The following GIMAP4 variants were observed in gnomAD, a reference collection of about 807,000 sequenced individuals.
GIMAP4 encodes the protein GTPase IMAP family member 4.
Under a neutral mutation model 10.8 loss-of-function variants are expected in GIMAP4, and 12 were observed. The ratio of observed to expected loss-of-function variants is 1.11; its 90% confidence interval spans 0.71 to 1.81. GIMAP4 has a LOEUF of 1.81. GIMAP4 is among the 40% of genes most tolerant of loss of function. GIMAP4 has a pLI of 0.00. For missense variants in GIMAP4, 412 were observed against 404.6 expected (o/e 1.02, Z -0.16); for synonymous variants, 149 against 147.2 (o/e 1.01, Z -0.09).
intron 2 of GIMAP4, among the ~76,000 whole-genome samples, chr7:150,570,614 G>C (rs1283705494): frequency 6.6e-6 from 1 of 152,174 alleles, no homozygotes; most frequent in African/African-American, 2.4e-5. Flanking sequence ...GGACCAGCTT[G>C]GCTCATCTCA....
intron 2 of GIMAP4, among the ~76,000 whole-genome samples, chr7:150,570,409 ATAAC>A (rs917944448): frequency 2.0e-5 from 3 of 152,170 alleles, no homozygotes; most frequent in Admixed American, 2.0e-4. Context: ...TGGTCTCACT[ATAAC>A]CAACAAATTA....
At chr7:150,571,815 T>C (rs1361142811) in intron 2 of GIMAP4, among the ~76,000 whole-genome samples, 1 of 152,160 alleles carries the variant, frequency 6.6e-6, no homozygotes, top group East Asian at 1.9e-4. Context: ...ACAGCTATTA[T>C]TGGCAGCTCA....
In GIMAP4 at chr7:150,569,898, G is replaced by A. The variant is rs774781126; in HGVS notation, c.-4G>A. ...TTTCTTGATCTACAGGAGTTCAAGC[G>A]ACAATGGCAGCCCAATACGGCAGTA... On this transcript the variant is annotated 5_prime_UTR_variant, in exon 2 of 3. Transcript: ENST00000255945. The A allele has an allele frequency of 5.2e-6, 8 of 1,530,556 alleles. No homozygotes were observed. Among genetic ancestry groups the A allele is most frequent in the South Asian group, 1.1e-5 (1 of 89,340 alleles). The allele number at this position is 1,530,556 out of a possible 1,614,324, so 94.8% of individuals were successfully genotyped here.
At position 150,572,812 on chromosome 7, in the gene GIMAP4, C is replaced by G. The variant is rs564252101; in HGVS notation, c.742C>G (p.Leu248Val). ...QAMQELHRVE[L>V]EREKARIREE... ...AATGCAAGAACTCCACAGAGTGGAG[C>G]TGGAGAGAGAGAAAGCGCGGATAAG... The change falls in exon 3 of 3, where the codon CTG (leucine) becomes GTG (valine). Residue 248 changes from leucine to valine, a missense_variant. Transcript: ENST00000255945. 2.5e-6 allele frequency: 4 copies of G among 1,613,786 alleles called. No homozygotes were observed. Among genetic ancestry groups the G allele is most frequent in the East Asian group, 4.5e-5 (2 of 44,834 alleles).
intron 2 of GIMAP4, among the ~76,000 whole-genome samples, chr7:150,570,814 G>A (rs1296058606): frequency 2.0e-5 from 3 of 152,202 alleles, no homozygotes; most frequent in East Asian, 3.9e-4. Context: ...AGGAGGAGCA[G>A]AAAGAAAAGG....
intron 2 of GIMAP4, 21 bp downstream of exon 2, chr7:150,569,980 C>A: frequency 6.4e-7 from 1 of 1,574,004 alleles, no homozygotes; most frequent in Non-Finnish European, 8.7e-7. Context: ...ATTCAGTGCT[C>A]CCCAGACCAG....
Position 150,567,738 on chromosome 7 carries a change from G to A in GIMAP4, c.-15+301G>A, listed in dbSNP as rs374621361. ...CTTCCAGGGATAAAGTTGGGTGAGC[G>A]GACAGAATTAGCTCTGGGGGAGCTG... On this transcript the variant is annotated intron_variant, in intron 1 of 2. Coordinates refer to ENST00000255945, the MANE Select transcript of GIMAP4 (RefSeq NM_018326.3). 1.9e-4 allele frequency among the ~76,000 whole-genome samples: 29 copies of A among 152,246 alleles called. 1 individual carries two copies. In the East Asian group the frequency reaches 3.1e-3, roughly 16 times the overall value.
rs1356274443 is a variant in GIMAP4, at chr7:150,572,296, T to C, written c.226T>C (p.Trp76Arg). ...GAAGTGTGAGAAACGCAGCAGCTCATGGAAGGAAACAGAACTTGTCGTAGT... is the reference window on the plus strand; with the variant it reads ...GAAGTGTGAGAAACGCAGCAGCTCACGGAAGGAAACAGAACTTGTCGTAGT... ...TKKCEKRSSS[W>R]KETELVVVDT... Residue 76 changes from tryptophan (W) to arginine (R), a missense_variant, in exon 3 of 3, where the codon TGG becomes CGG. Physicochemically the swap from Trp to Arg is moderately radical, Grantham distance 101. Transcript: ENST00000255945. 6.2e-7 allele frequency: 1 copy of C among 1,614,020 alleles called. No individual in the cohort carries two copies. The highest frequency in any genetic ancestry group is 8.5e-7 in the Non-Finnish European group (1 of 1,180,010).
chr7:150,572,096 C>T (rs1237281306), intron 2 of GIMAP4, 33 bp from the exon 3 acceptor site: 7 of 1,422,520 alleles, frequency 4.9e-6, no homozygotes, highest in Non-Finnish European at 5.8e-6. Flanking sequence ...TAGATTCTAA[C>T]AGCATGGCTT....
intron 2 of GIMAP4, among the ~76,000 whole-genome samples, chr7:150,571,777 G>A (rs1417563851): frequency 4.6e-5 from 7 of 152,114 alleles, no homozygotes; most frequent in African/African-American, 1.2e-4. Flanking sequence ...GTGAAACTCC[G>A]TCTCAAAAAG....
Position 150,571,979 on chromosome 7 carries a change from G to A in GIMAP4, c.59-150G>A. The A allele has an allele frequency of 3.3e-6, 2 of 611,984 alleles. 1 individual carries two copies. Among genetic ancestry groups the A allele is most frequent in the South Asian group, 4.1e-5 (2 of 48,764 alleles). 37.9% of individuals were successfully genotyped at this position (611,984 alleles called of 1,614,324 possible). ...CCAAGTACTGAAAAATGAGCATCAG[G>A]CCTACAGGAATCTCTGAGTGCAGCA... On this transcript the variant is annotated intron_variant, in intron 2 of 2. Coordinates refer to ENST00000255945, the MANE Select transcript of GIMAP4 (RefSeq NM_018326.3).
At chr7:150,568,780 G>A (rs1795693889) in intron 1 of GIMAP4, among the ~76,000 whole-genome samples, 1 of 152,270 alleles carries the variant, frequency 6.6e-6, no homozygotes, top group Middle Eastern at 3.4e-3. Context: ...TATAAGAGGA[G>A]ACAGTAAAAA....
Position 150,572,225 on chromosome 7 carries a change from G to A in GIMAP4, c.155G>A (p.Gly52Asp). 6.2e-7 allele frequency: 1 copy of A among 1,613,980 alleles called. No homozygotes were observed. Among genetic ancestry groups the A allele is most frequent in the Non-Finnish European group, 8.5e-7 (1 of 1,179,842 alleles). ...GKSATGNSILGRKVFHSGTAA... is the reference protein window; with the variant it reads ...GKSATGNSILDRKVFHSGTAA... ...AGTGCAACAGGAAACAGCATCCTTG[G>A]CCGGAAAGTGTTTCATTCTGGCACT... Residue 52 changes from glycine to aspartate, a missense_variant, in exon 3 of 3, where the codon GGC (glycine) becomes GAC (aspartate). Physicochemically the swap from Gly to Asp is moderately conservative, Grantham distance 94. Coordinates refer to ENST00000255945, the MANE Select transcript of GIMAP4 (RefSeq NM_018326.3).
intron 1 of GIMAP4, among the ~76,000 whole-genome samples, chr7:150,569,347 ATG>A (rs1795701092): frequency 6.6e-6 from 1 of 152,214 alleles, no homozygotes; most frequent in South Asian, 2.1e-4. Flanking sequence ...TGATGGGCTG[ATG>A]AGAGAGAGAG....
At chr7:150,568,711 C>A (rs761645913) in intron 1 of GIMAP4, among the ~76,000 whole-genome samples, 1 of 152,104 alleles carries the variant, frequency 6.6e-6, no homozygotes, top group Non-Finnish European at 1.5e-5. Context: ...TTGTGCTTGT[C>A]CCCAGGGAAT....
At chr7:150,571,193 TAACTAAAAATGTG>T (rs1048432421) in intron 2 of GIMAP4, among the ~76,000 whole-genome samples, 1 of 152,200 alleles carries the variant, frequency 6.6e-6, no homozygotes, top group African/African-American at 2.4e-5. Context: ...GCTGTGATGC[TAACTAAAAATGTG>T]AACGCCAGCC....
At chr7:150,572,092 C>A (rs778321622) in intron 2 of GIMAP4, 37 bp from the exon 3 acceptor site, 3 of 1,403,672 alleles carry the variant, frequency 2.1e-6, no homozygotes, top group Non-Finnish European at 3.0e-6. Flanking sequence ...GAGGTAGATT[C>A]TAACAGCATG....
chr7:150,570,578 G>A (rs1343931263), intron 2 of GIMAP4, among the ~76,000 whole-genome samples: 1 of 152,102 alleles, frequency 6.6e-6, no homozygotes. Flanking sequence ...TTAATTCTGT[G>A]GGTTCACTGG....
At position 150,569,849 on chromosome 7, in the gene GIMAP4, T is replaced by C. The variant is rs73471373; in HGVS notation, c.-14-39T>C. The C allele has an allele frequency of 6.6e-4, 622 of 949,522 alleles. 5 individuals are homozygous for C. The African/African-American group carries it at 8.8e-3, about 14-fold the overall frequency. 58.8% of individuals were successfully genotyped at this position (949,522 alleles called of 1,614,324 possible). ...CAGTCAGGGATTCTAGTTGCTTCCA[T>C]TTCCCTAAAATGACATGGTTATGTT... On this transcript the variant is annotated intron_variant, in intron 1 of 2. Transcript: ENST00000255945.
Sources: allele counts gnomAD v4.1 joint callset (sites outside exome capture counted in the v4.1 genomes callset), GRCh38; gene constraint gnomAD v4.1.1; transcripts MANE v1.5; gene names NCBI Gene and HGNC (gene_info 2026-07-23, HGNC 2026-07-21).